Variants in RP1 observed in about 807,000 individuals in gnomAD.
RP1 encodes the protein RP1 axonemal microtubule associated.
A neutral mutation model predicts 14.8 loss-of-function variants in RP1; 16 were observed. That is an observed-to-expected ratio of 1.08 (90% CI 0.73 to 1.65). The LOEUF (loss-of-function observed/expected upper bound fraction) is 1.65, where lower values mean the gene tolerates loss of function less well. RP1 is among the 40% of genes most tolerant of loss of function. RP1 has a pLI of 0.00. For synonymous variants in RP1, 876 were observed against 883.6 expected (o/e 0.99, Z 0.15); for missense variants, 2,631 against 2,535.0 (o/e 1.04, Z -0.81).
At chr8:54,722,207 CAAA>C (rs796358747) in intron 16 of RP1, among the ~76,000 whole-genome samples, 3 of 110,370 alleles carry the variant, frequency 2.7e-5, no homozygotes, top group Non-Finnish European at 2.0e-5. Context: ...ACTCTAGCTC[CAAA>C]AAAAAAAAAA....
At chr8:54,826,241 G>T (rs1027714714) in intron 24 of RP1, among the ~76,000 whole-genome samples, 1 of 152,122 alleles carries the variant, frequency 6.6e-6, no homozygotes, top group Non-Finnish European at 1.5e-5. Context: ...ATTTTTGTAG[G>T]CAAAAATGTA....
intron 24 of RP1, among the ~76,000 whole-genome samples, chr8:54,799,262 C>A (rs1329041142): frequency 6.6e-6 from 1 of 151,960 alleles, no homozygotes; most frequent in African/African-American, 2.4e-5. Flanking sequence ...AGAAATCTCC[C>A]AATAATCCAA....
At chr8:54,631,871 C>T (rs1049222755), downstream of RP1, among the ~76,000 whole-genome samples, 39 of 150,046 alleles carry the variant, frequency 2.6e-4, no homozygotes, top group African/African-American at 8.6e-4. Flanking sequence ...GACAGAGTTT[C>T]GCTCTTGTTG....
exon 29 of RP1, chr8:54,870,369 A>C (rs1255632749): frequency 6.5e-6 from 1 of 153,958 alleles, no homozygotes; most frequent in African/African-American, 2.4e-5. Flanking sequence ...GATGCATGAA[A>C]AACACTTTTA....
chr8:54,583,747 G>T (rs1804852549), intron 1 of RP1, among the ~76,000 whole-genome samples: 1 of 152,166 alleles, frequency 6.6e-6, no homozygotes, highest in Non-Finnish European at 1.5e-5. Context: ...ATGTGTTGAG[G>T]AATTTATCCA....
rs764145254 is a variant in RP1 at position 54,621,281 on chromosome 8, A to C, written c.315A>C (p.Leu105=). The change falls in exon 2 of 4, where the codon CTA becomes CTC. Residue 105 remains leucine (L), a synonymous_variant. Transcript: ENST00000220676. ...AGCTGGAGGACGGCGAGTCCTACCT[A>C]TGTTCCCACGGCAGGAAGGTGCAGC... ...LEELEDGESY[L]CSHGRKVQPV... 1.9e-6 allele frequency: 3 copies of C among 1,613,930 alleles called. No individual in the cohort carries two copies. Among genetic ancestry groups the C allele is most frequent in the Non-Finnish European group, 2.5e-6 (3 of 1,179,992 alleles).
At chr8:54,794,566 C>T (rs1178491468) in intron 24 of RP1, among the ~76,000 whole-genome samples, 3 of 151,832 alleles carry the variant, frequency 2.0e-5, no homozygotes, top group Non-Finnish European at 4.4e-5. Flanking sequence ...GGACCCATGT[C>T]TTATACCTTT....
At chr8:54,752,114 C>T (rs1563366055) in intron 19 of RP1, among the ~76,000 whole-genome samples, 1 of 152,260 alleles carries the variant, frequency 6.6e-6, no homozygotes, top group East Asian at 1.9e-4. Context: ...TGACTTCAAG[C>T]AATACTTGGT....
chr8:54,644,575 TA>T (rs1806510215), intron 3 of RP1, among the ~76,000 whole-genome samples: 1 of 152,192 alleles, frequency 6.6e-6, no homozygotes, highest in Non-Finnish European at 1.5e-5. Context: ...CAGTGAATCA[TA>T]TGTTTAATGC....
In RP1 at chr8:54,630,600, A is replaced by ATTTTTT; in HGVS notation, c.*256_*261dup. 9.2e-7 allele frequency: 1 copy of ATTTTTT among 1,090,034 alleles called. No homozygotes were observed. The highest frequency in any genetic ancestry group is 1.7e-5 in the African/African-American group (1 of 57,470). The allele number at this position is 1,090,034 out of a possible 1,614,324, so 67.5% of individuals were successfully genotyped here. ...CTATCTGGTTTTGTTCTGAACTTACATTTTTTTTTTTTTTGGTATCTATGA... is the reference window on the plus strand; with the variant it reads ...CTATCTGGTTTTGTTCTGAACTTACATTTTTTTTTTTTTTTTTTTTGGTATCTATGA... On this transcript the variant is annotated 3_prime_UTR_variant, in exon 4 of 4. Transcript: ENST00000220676.
intron 27 of RP1, among the ~76,000 whole-genome samples, chr8:54,865,004 T>C (rs6990422): frequency 0.63 from 96,230 of 151,964 alleles, 31,062 homozygotes; most frequent in African/African-American, 0.75. Context: ...CATTTATTTA[T>C]GGCTTTTTTT....
intron 24 of RP1, among the ~76,000 whole-genome samples, chr8:54,804,371 C>A (rs926964857): frequency 1.3e-5 from 2 of 152,098 alleles, no homozygotes; most frequent in Non-Finnish European, 2.9e-5. Flanking sequence ...TAAGGCCCAC[C>A]ATTAAGGTTT....
chr8:54,833,424 T>C (rs1811584742), intron 24 of RP1, among the ~76,000 whole-genome samples: 1 of 152,010 alleles, frequency 6.6e-6, no homozygotes, highest in African/African-American at 2.4e-5. Context: ...TTTATTATTG[T>C]TGTTGCTAGA....
intron 5 of RP1, among the ~76,000 whole-genome samples, chr8:54,655,062 A>C (rs966995874): frequency 1.3e-5 from 2 of 152,244 alleles, no homozygotes; most frequent in Admixed American, 6.5e-5. Context: ...ACCTCACTGA[A>C]GCTTTATTTC....
At chr8:54,643,521 A>G (rs923979755) in intron 3 of RP1, among the ~76,000 whole-genome samples, 1 of 152,170 alleles carries the variant, frequency 6.6e-6, no homozygotes, top group African/African-American at 2.4e-5. Flanking sequence ...TGTTACATCT[A>G]TTAGTAGCTT....
rs1291860978 is a variant in RP1, at chr8:54,627,298, A to G, written c.3416A>G (p.Lys1139Arg). ...LLAWLLVLNLKGSMNSFCQVD... is the reference protein window; with the variant it reads ...LLAWLLVLNLRGSMNSFCQVD... ...GCTTGGCTCTTGGTGCTAAACCTAAAGGGAAGTATGAATAGCTTCTGTCAA... is the reference window on the plus strand; with the variant it reads ...GCTTGGCTCTTGGTGCTAAACCTAAGGGGAAGTATGAATAGCTTCTGTCAA... Residue 1139 changes from lysine to arginine, a missense_variant, in exon 4 of 4, where the codon AAG becomes AGG. Coordinates refer to ENST00000220676, the MANE Select transcript of RP1 (RefSeq NM_006269.2). 2 of 1,614,146 alleles carry G rather than the reference A, an allele frequency of 1.2e-6. No individual in the cohort carries two copies. The highest frequency in any genetic ancestry group is 1.7e-6 in the Non-Finnish European group (2 of 1,179,974).
chr8:54,714,611 C>T (rs1286216686), intron 15 of RP1, among the ~76,000 whole-genome samples: 3 of 152,152 alleles, frequency 2.0e-5, no homozygotes, highest in African/African-American at 4.8e-5. Flanking sequence ...TCTCTAGCCT[C>T]GTGCCTGCCA....
chr8:54,579,004 T>C (rs1804721077), intron 1 of RP1, among the ~76,000 whole-genome samples: 1 of 152,224 alleles, frequency 6.6e-6, no homozygotes, highest in African/African-American at 2.4e-5. Context: ...GCAATTTCTA[T>C]TTTTTTAGTT....
chr8:54,718,220 C>T (rs1808449518), intron 15 of RP1, among the ~76,000 whole-genome samples: 1 of 152,038 alleles, frequency 6.6e-6, no homozygotes, highest in Non-Finnish European at 1.5e-5. Context: ...ATAAGCTGGT[C>T]CTGAGTTTAT....
Sources: allele counts gnomAD v4.1 joint callset (sites outside exome capture counted in the v4.1 genomes callset), GRCh38; gene constraint gnomAD v4.1.1; transcripts MANE v1.5; gene names NCBI Gene and HGNC (gene_info 2026-07-23, HGNC 2026-07-21).